The following MGMT variants were observed in gnomAD, a reference collection of about 807,000 sequenced individuals.
The protein encoded by MGMT is methylated-DNA--protein-cysteine methyltransferase.
MGMT carries 14 observed loss-of-function variants against 15.9 expected under a neutral mutation model. The ratio of observed to expected loss-of-function variants is 0.88; its 90% confidence interval spans 0.58 to 1.37. MGMT has a LOEUF of 1.37. Among genes scored for constraint, MGMT ranks in the 40% most tolerant of loss-of-function variants. The probability of loss-of-function intolerance (pLI) is 0.00; values close to 1 mark genes in which losing one functional copy is unlikely to be tolerated. For synonymous variants in MGMT, 130 were observed against 118.2 expected (o/e 1.10, Z -0.65); for missense variants, 282 against 268.1 (o/e 1.05, Z -0.36).
chr10:129,675,363 A>G (rs1847772871), intron 2 of MGMT, among the ~76,000 whole-genome samples: 1 of 152,226 alleles, frequency 6.6e-6, no homozygotes, highest in Admixed American at 6.5e-5. Context: ...TGGTCTAGGC[A>G]GGGAATGACT....
At position 129,706,041 on chromosome 10, in the gene MGMT, C is replaced by T. The variant is rs531819539; in HGVS notation, c.126-1854C>T. 1.3e-4 allele frequency among the ~76,000 whole-genome samples: 20 copies of T among 152,372 alleles called. No homozygotes were observed. The East Asian group carries it at 2.3e-3, about 18-fold the overall frequency. ...CCATGTTCTTACTGCTGCAGCCCTG[C>T]GTCAGGGCAGCTGCGGTGCCTTCTG... is the stretch of plus-strand genomic sequence containing the variant. On this transcript the variant is annotated intron_variant, in intron 2 of 4. Transcript: ENST00000651593.
At chr10:129,563,604 C>T (rs72831602) in intron 2 of MGMT, among the ~76,000 whole-genome samples, 1,759 of 152,150 alleles carry the variant, frequency 0.012, 20 homozygotes, top group Non-Finnish European at 0.019. Context: ...GCGGAGCTCC[C>T]CTTTCTGCCC....
chr10:129,622,014 G>A (rs1350382725), intron 2 of MGMT, among the ~76,000 whole-genome samples: 2 of 152,168 alleles, frequency 1.3e-5, no homozygotes, highest in African/African-American at 4.8e-5. Context: ...TCACAGAACG[G>A]TGTTTGTTTT....
chr10:129,705,433 GTGTT>G (rs1200282647), intron 2 of MGMT, among the ~76,000 whole-genome samples: 57 of 152,316 alleles, frequency 3.7e-4, no homozygotes, highest in African/African-American at 1.2e-3. Flanking sequence ...ACGAAAGGCT[GTGTT>G]TGTTTAACTA....
At chr10:129,741,116 C>A (rs907212036) in intron 3 of MGMT, among the ~76,000 whole-genome samples, 19 of 152,142 alleles carry the variant, frequency 1.2e-4, no homozygotes, top group African/African-American at 4.6e-4. Context: ...TTTTGGCAAA[C>A]TTTCTTCCCC....
chr10:129,707,797 A>G, intron 2 of MGMT, 98 bp from the exon 3 acceptor site: 1 of 1,515,522 alleles, frequency 6.6e-7, no homozygotes, highest in African/African-American at 1.4e-5. Context: ...TGAAGCAGCC[A>G]CAGGTGTTTG....
chr10:129,708,229 A>AAAAAC (rs1848190837), intron 3 of MGMT, among the ~76,000 whole-genome samples, 186 bp downstream of exon 3: 1 of 152,214 alleles, frequency 6.6e-6, no homozygotes, highest in Non-Finnish European at 1.5e-5. Context: ...CACTTGTGTT[A>AAAAAC]GTTTTGGCAC....
At chr10:129,507,605 A>G (rs1252397206) in intron 1 of MGMT, among the ~76,000 whole-genome samples, 1 of 152,142 alleles carries the variant, frequency 6.6e-6, no homozygotes, top group Non-Finnish European at 1.5e-5. Flanking sequence ...TGGGGGAGGA[A>G]CGTCCTGAGA....
chr10:129,650,353 A>G (rs1172270566), intron 2 of MGMT, among the ~76,000 whole-genome samples: 2 of 152,162 alleles, frequency 1.3e-5, no homozygotes, highest in East Asian at 3.9e-4. Flanking sequence ...CATCTTCGCC[A>G]AGCTAGAGGA....
At chr10:129,571,433 T>G (rs1418523015) in intron 2 of MGMT, among the ~76,000 whole-genome samples, 3 of 152,208 alleles carry the variant, frequency 2.0e-5, no homozygotes, top group African/African-American at 7.2e-5. Flanking sequence ...TTGGGTGTTT[T>G]ATGAAAAATG....
At chr10:129,490,612 A>T (rs755891109) in intron 1 of MGMT, among the ~76,000 whole-genome samples, 24 of 152,140 alleles carry the variant, frequency 1.6e-4, no homozygotes, top group Non-Finnish European at 2.6e-4. Context: ...TCTTATATTT[A>T]AAATATGTGT....
At chr10:129,567,910 A>G (rs1373632086) in intron 2 of MGMT, among the ~76,000 whole-genome samples, 2 of 152,204 alleles carry the variant, frequency 1.3e-5, no homozygotes, top group African/African-American at 2.4e-5. Context: ...TGAAATACCA[A>G]TTCAGAGATA....
At chr10:129,759,412 CA>C (rs1219057683) in intron 4 of MGMT, 71 bp downstream of exon 4, 3 of 1,600,890 alleles carry the variant, frequency 1.9e-6, no homozygotes, top group Non-Finnish European at 2.6e-6. Flanking sequence ...CATCTGATCC[CA>C]CGTGTTTCCT....
At chr10:129,696,955 G>A (rs1212847396) in intron 2 of MGMT, among the ~76,000 whole-genome samples, 1 of 152,222 alleles carries the variant, frequency 6.6e-6, no homozygotes, top group Non-Finnish European at 1.5e-5. Context: ...GGGCATTCTG[G>A]GACCCAGGTC....
At chr10:129,552,318 G>A (rs1209697511) in intron 2 of MGMT, among the ~76,000 whole-genome samples, 1 of 152,166 alleles carries the variant, frequency 6.6e-6, no homozygotes, top group Non-Finnish European at 1.5e-5. Flanking sequence ...TGTGGCTTGA[G>A]CTGCGTCACC....
chr10:129,560,076 G>A (rs1846259408), intron 2 of MGMT, among the ~76,000 whole-genome samples: 1 of 152,226 alleles, frequency 6.6e-6, no homozygotes, highest in African/African-American at 2.4e-5. Flanking sequence ...AAGGTCAGTT[G>A]TTAAAAAGGC....
rs368258514 is a variant in MGMT, at chr10:129,536,322, T to G, written c.70T>G (p.Cys24Gly). The G allele has an allele frequency of 2.5e-6, 4 of 1,614,020 alleles. No individual in the cohort carries two copies. In the African/African-American group the frequency reaches 5.3e-5, roughly 22 times the overall value. ...SPLGKLELSG[C>G]EQGLHEIKLL... ...TTTGGGGAAGCTGGAGCTGTCTGGT[T>G]GTGAGCAGGGTCTGCACGAAATAAA... Residue 24 changes from cysteine to glycine, a missense_variant, in exon 2 of 5, where the codon TGT becomes GGT. Transcript: ENST00000651593.
chr10:129,728,706 C>G (rs987172795), intron 3 of MGMT, among the ~76,000 whole-genome samples: 1 of 152,024 alleles, frequency 6.6e-6, no homozygotes, highest in Non-Finnish European at 1.5e-5. Flanking sequence ...TCCCCAGAAG[C>G]CTCCCTGACC....
intron 1 of MGMT, among the ~76,000 whole-genome samples, chr10:129,518,130 C>T (rs1244081311): frequency 1.3e-5 from 2 of 151,956 alleles, no homozygotes; most frequent in Non-Finnish European, 2.9e-5. Context: ...CATCAGGAAG[C>T]GTATCTCACC....
Sources: allele counts gnomAD v4.1 joint callset (sites outside exome capture counted in the v4.1 genomes callset), GRCh38; gene constraint gnomAD v4.1.1; transcripts MANE v1.5; gene names NCBI Gene and HGNC (gene_info 2026-07-23, HGNC 2026-07-21).